The following ATP11C variants were observed in gnomAD, a reference collection of about 807,000 sequenced individuals.
ATP11C encodes ATPase phospholipid transporting 11C (ATP11C blood group).
ATP11C carries 36 observed loss-of-function variants against 97.4 expected under a neutral mutation model. The observed-to-expected ratio is 0.37, with a 90% CI of 0.28 to 0.49. ATP11C has a LOEUF of 0.49. Among genes scored for constraint, ATP11C ranks in the 20% least tolerant of loss-of-function variants. The pLI is 0.98. For missense variants in ATP11C, 730 were observed against 824.6 expected (o/e 0.89, Z 1.40); for synonymous variants, 275 against 290.9 (o/e 0.95, Z 0.56).
chrX:139,753,505 C>T (rs767381758), intron 23 of ATP11C, among the ~76,000 whole-genome samples: 9 of 111,574 alleles, frequency 8.1e-5, no homozygotes, highest in South Asian at 3.8e-4. Flanking sequence ...ACTAAACACC[C>T]GCATCAAAAA....
chrX:139,751,895 G>A (rs1032314191), intron 23 of ATP11C, among the ~76,000 whole-genome samples: 1 of 110,606 alleles, frequency 9.0e-6, no homozygotes, highest in Non-Finnish European at 1.9e-5. Context: ...AGTCCTCCTC[G>A]CAAGTTCCAG....
intron 19 of ATP11C, among the ~76,000 whole-genome samples, chrX:139,772,901 G>C: frequency 9.0e-6 from 1 of 111,121 alleles, no homozygotes. Context: ...AAAGACTTTG[G>C]GGGGCTGTTG....
In ATP11C at chrX:139,866,161, T is replaced by C. The variant is rs186311161; in HGVS notation, c.28-39338A>G. ...GAGTTCGAGACCAGCCTGACCAACA[T>C]AGTGAAACCCTGTCTCTACTAAAAA... is the stretch of plus-strand genomic sequence containing the variant. On this transcript the variant is annotated intron_variant, in intron 1 of 29. Transcript: ENST00000682941. Among the ~76,000 whole-genome samples the C allele has an allele frequency of 8.9e-3, 967 of 109,010 alleles. 17 individuals carry two copies. Among genetic ancestry groups the C allele is most frequent in the African/African-American group, 0.031 (932 of 30,042 alleles). 94.7% of individuals were successfully genotyped at this position (109,010 alleles called of 115,157 possible).
intron 19 of ATP11C, 101 bp from the exon 20 acceptor site, chrX:139,768,535 G>A: frequency 1.9e-6 from 1 of 525,379 alleles, no homozygotes; most frequent in Non-Finnish European, 2.8e-6. Flanking sequence ...TCAGATAAGG[G>A]GAGTCATCAA....
chrX:139,871,400 G>C (rs1442900437), intron 1 of ATP11C, among the ~76,000 whole-genome samples: 1 of 108,625 alleles, frequency 9.2e-6, no homozygotes, highest in Non-Finnish European at 1.9e-5. Context: ...GTAGAGATGG[G>C]GTTTCACTAT....
chrX:139,874,786 C>T (rs746182092), intron 1 of ATP11C, among the ~76,000 whole-genome samples: 4 of 112,103 alleles, frequency 3.6e-5, no homozygotes, highest in Middle Eastern at 4.6e-3. Context: ...TATAATCAGA[C>T]ACAATGTGGG....
chrX:139,814,928 A>G lies in ATP11C; in HGVS notation c.376T>C (p.Tyr126His). The change falls in exon 5 of 30, where the codon TAC becomes CAC. Residue 126 changes from tyrosine to histidine, a missense_variant. Physicochemically the swap from Tyr to His is moderately conservative, Grantham distance 83. Coordinates refer to ENST00000682941, the MANE Select transcript of ATP11C (RefSeq NM_001353812.2). ...ADNEVNKSTV[Y>H]IIENAKRVRK... ...ACTCGCTTTGCATTTTCAATAATGT[A>G]AACAGTGCTTTTGTTGACTTCATTG... 1 of 1,191,212 alleles carries G rather than the reference A, an allele frequency of 8.4e-7. No homozygotes were observed. Among genetic ancestry groups the G allele is most frequent in the South Asian group, 1.9e-5 (1 of 52,980 alleles).
chrX:139,774,277 A>G (rs988218446), intron 19 of ATP11C, among the ~76,000 whole-genome samples: 5 of 112,116 alleles, frequency 4.5e-5, no homozygotes, highest in Non-Finnish European at 7.5e-5. Context: ...GCTCTGGGGT[A>G]TAAAAATGCA....
chrX:139,870,383 T>C (rs1358058058), intron 1 of ATP11C, among the ~76,000 whole-genome samples: 3 of 112,418 alleles, frequency 2.7e-5, no homozygotes, highest in Non-Finnish European at 5.6e-5. Flanking sequence ...TTCATTTTTA[T>C]TGTTCCAAAT....
At chrX:139,815,025 T>C (rs984295980) in intron 4 of ATP11C, 40 bp from the exon 5 acceptor site, 2 of 811,590 alleles carry the variant, frequency 2.5e-6, no homozygotes, top group Non-Finnish European at 3.5e-6. Context: ...GTTCTGATAA[T>C]GAAATAAAGC....
chrX:139,827,551 T>TC (rs2083557150), intron 1 of ATP11C, among the ~76,000 whole-genome samples: 1 of 111,265 alleles, frequency 9.0e-6, no homozygotes, highest in Admixed American at 9.5e-5. Context: ...AAGGCCTCAC[T>TC]CTCTTCACTT....
chrX:139,925,740 AATG>A (rs2085341734), intron 1 of ATP11C, among the ~76,000 whole-genome samples: 1 of 111,769 alleles, frequency 8.9e-6, no homozygotes, highest in African/African-American at 3.3e-5. Flanking sequence ...CTAAAAAACA[AATG>A]ATGATATCTG....
At chrX:139,878,732 G>A (rs1383541368) in intron 1 of ATP11C, among the ~76,000 whole-genome samples, 2 of 111,193 alleles carry the variant, frequency 1.8e-5, no homozygotes, top group African/African-American at 6.6e-5. Flanking sequence ...TGACATTTGA[G>A]TTGGGTCTAG....
chrX:139,872,889 T>C (rs1395593381), intron 1 of ATP11C, among the ~76,000 whole-genome samples: 1 of 112,157 alleles, frequency 8.9e-6, no homozygotes, highest in Non-Finnish European at 1.9e-5. Context: ...CACAAATGTA[T>C]TTATTTTCCA....
At chrX:139,864,791 C>T (rs918236524) in intron 1 of ATP11C, among the ~76,000 whole-genome samples, 4 of 112,145 alleles carry the variant, frequency 3.6e-5, no homozygotes, top group Non-Finnish European at 7.5e-5. Context: ...TAGTTTTCTG[C>T]CTTTTTTGCA....
At chrX:139,912,518 C>A (rs1037509137) in intron 1 of ATP11C, among the ~76,000 whole-genome samples, 3 of 110,831 alleles carry the variant, frequency 2.7e-5, no homozygotes, top group African/African-American at 9.9e-5. Flanking sequence ...ATGACAGTTT[C>A]TTTTAAAAGG....
intron 1 of ATP11C, among the ~76,000 whole-genome samples, chrX:139,853,324 AAGAGAGAGGGGAAAGAC>A (rs1158237522): frequency 2.6e-4 from 28 of 108,240 alleles, no homozygotes; most frequent in South Asian, 1.7e-3. Flanking sequence ...AGGAGAGAAA[AAGAGAGAGGGGAAAGAC>A]AGAGAGAGGG....
intron 18 of ATP11C, among the ~76,000 whole-genome samples, chrX:139,776,090 T>A (rs1444918184): frequency 8.9e-6 from 1 of 111,951 alleles, no homozygotes; most frequent in Non-Finnish European, 1.9e-5. Context: ...TGACAATCAC[T>A]GAAGGGGGTA....
chrX:139,808,971 G>C (rs1277646706), intron 5 of ATP11C, among the ~76,000 whole-genome samples: 1 of 110,670 alleles, frequency 9.0e-6, no homozygotes, highest in East Asian at 2.8e-4. Flanking sequence ...AAATTAGCCA[G>C]GTGCGGTGCC....
Sources: gnomAD v4.1 joint callset for allele counts (sites outside exome capture counted in the v4.1 genomes callset) on GRCh38, gnomAD v4.1.1 for gene constraint, MANE v1.5 for transcripts, NCBI Gene and HGNC (gene_info 2026-07-23, HGNC 2026-07-21) for gene names.